CACNA1D: variants seen among roughly 807,000 people sequenced by gnomAD.
CACNA1D encodes the protein calcium voltage-gated channel subunit alpha1 D, also known as voltage-dependent L-type calcium channel subunit alpha-1D.
A neutral mutation model predicts 257.1 loss-of-function variants in CACNA1D; 55 were observed. The observed-to-expected ratio is 0.21, with a 90% confidence interval of 0.17 to 0.27. CACNA1D has a LOEUF of 0.27. Ranked by LOEUF, CACNA1D falls within the 10% of genes least tolerant of loss-of-function variation. The pLI, the probability that CACNA1D is intolerant of heterozygous loss-of-function variation, is 1.00. For synonymous variants in CACNA1D, 980 were observed against 1,014.9 expected (o/e 0.97, Z 0.65); for missense variants, 1,876 against 2,784.0 (o/e 0.67, Z 7.34).
intron 3 of CACNA1D, among the ~76,000 whole-genome samples, chr3:53,634,613 G>A (rs934119591): frequency 1.3e-5 from 2 of 152,158 alleles, no homozygotes; most frequent in Non-Finnish European, 2.9e-5. Flanking sequence ...TCCAGCCTTT[G>A]GTTTTTAAGA....
chr3:53,732,584 C>T (rs1256800226), intron 18 of CACNA1D, among the ~76,000 whole-genome samples: 1 of 152,150 alleles, frequency 6.6e-6, no homozygotes, highest in African/African-American at 2.4e-5. Flanking sequence ...TGGTGGGAAT[C>T]TCATCATTCC....
chr3:53,627,688 T>A (rs2093775715), intron 3 of CACNA1D, among the ~76,000 whole-genome samples: 1 of 151,616 alleles, frequency 6.6e-6, no homozygotes, highest in Non-Finnish European at 1.5e-5. Context: ...GCTGGGGAGA[T>A]GTCTAGTTCC....
At chr3:53,752,189 C>T (rs1375830619) in intron 28 of CACNA1D, among the ~76,000 whole-genome samples, 2 of 152,148 alleles carry the variant, frequency 1.3e-5, no homozygotes, top group Admixed American at 6.5e-5. Context: ...CCATGGGCCT[C>T]CTGTGGCCAG....
At chr3:53,655,617 T>C (rs1300344452) in intron 4 of CACNA1D, among the ~76,000 whole-genome samples, 2 of 152,226 alleles carry the variant, frequency 1.3e-5, no homozygotes, top group Non-Finnish European at 2.9e-5. Context: ...GTCTTTTGAA[T>C]AGTATCTCTT....
chr3:53,659,870 A>C (rs1257191989), intron 4 of CACNA1D, among the ~76,000 whole-genome samples: 1 of 152,212 alleles, frequency 6.6e-6, no homozygotes, highest in Non-Finnish European at 1.5e-5. Flanking sequence ...GTTCCCAGGG[A>C]GTCCCCTCTT....
intron 3 of CACNA1D, among the ~76,000 whole-genome samples, chr3:53,597,061 A>G (rs1489205538): frequency 5.9e-5 from 9 of 152,228 alleles, no homozygotes; most frequent in Non-Finnish European, 8.8e-5. Flanking sequence ...GAAATATACA[A>G]TTATTTAATG....
At chr3:53,619,628 A>T (rs2108024271) in intron 3 of CACNA1D, among the ~76,000 whole-genome samples, 1 of 152,232 alleles carries the variant, frequency 6.6e-6, no homozygotes, top group South Asian at 2.1e-4. Flanking sequence ...TTTCCCTAAC[A>T]TGTCTGACCT....
chr3:53,631,994 A>C (rs55676158), intron 3 of CACNA1D, among the ~76,000 whole-genome samples: 2,673 of 152,332 alleles, frequency 0.018, 34 homozygotes, highest in Non-Finnish European at 0.026. Context: ...TGGGATTTTC[A>C]GAATGATAAA....
At chr3:53,747,565 T>G in intron 26 of CACNA1D, 117 bp downstream of exon 26, 1 of 1,076,546 alleles carries the variant, frequency 9.3e-7, no homozygotes, top group Non-Finnish European at 1.4e-6. Flanking sequence ...GCCCTGTGGC[T>G]TTTTAACCTT....
At position 53,552,240 on chromosome 3, in the gene CACNA1D, G is replaced by A. The variant is rs572498897; in HGVS notation, c.483+50520G>A. ...GTTTTCTCCAACTTGGAGCTTGGGT[G>A]AGAATGCTCAGGGCTTGGTTGACAC... On this transcript the variant is annotated intron_variant, in intron 3 of 47. Transcript: ENST00000350061. Among the ~76,000 whole-genome samples the A allele has an allele frequency of 7.9e-5, 12 of 152,296 alleles. No homozygotes were observed. The South Asian group carries it at 2.5e-3, about 32-fold the overall frequency.
chr3:53,757,731 A>G (rs1261416857), intron 29 of CACNA1D, among the ~76,000 whole-genome samples: 1 of 151,826 alleles, frequency 6.6e-6, no homozygotes, highest in Non-Finnish European at 1.5e-5. Flanking sequence ...CCCCATCCCC[A>G]GGTGTTGGCA....
Position 53,811,365 on chromosome 3 carries a change from G to C in CACNA1D, c.6445G>C (p.Glu2149Gln). ...DEEPDPGRDE[E>Q]DLADEMICIT... ...AGAGCCAGACCCTGGGAGGGATGAGGAGGACCTGGCGGATGAAATGATATG... is the reference window on the plus strand; with the variant it reads ...AGAGCCAGACCCTGGGAGGGATGAGCAGGACCTGGCGGATGAAATGATATG... The change falls in exon 48 of 48, where the codon GAG (glutamate) becomes CAG (glutamine). Residue 2149 changes from glutamate (E) to glutamine (Q), a missense_variant. Transcript: ENST00000350061. This position sits in a 1 kb window ranked among gnomAD's most constrained non-coding sequence, Gnocchi z 4.2. 6.3e-7 allele frequency: 1 copy of C among 1,590,760 alleles called. No homozygotes were observed. Among genetic ancestry groups the C allele is most frequent in the Non-Finnish European group, 8.6e-7 (1 of 1,165,376 alleles).
intron 3 of CACNA1D, among the ~76,000 whole-genome samples, chr3:53,544,200 C>T (rs567551487): frequency 1.3e-5 from 2 of 152,118 alleles, no homozygotes; most frequent in African/African-American, 4.8e-5. Context: ...TCATCTTGTC[C>T]CAAAGTGTCC....
chr3:53,691,863 TTATA>T (rs1157247515), intron 8 of CACNA1D, among the ~76,000 whole-genome samples: 1 of 109,174 alleles, frequency 9.2e-6, no homozygotes, highest in East Asian at 2.4e-4. Context: ...ATAATATATA[TTATA>T]TATATTACAT....
chr3:53,562,776 A>T (rs1298450075), intron 3 of CACNA1D, among the ~76,000 whole-genome samples: 1 of 152,220 alleles, frequency 6.6e-6, no homozygotes, highest in East Asian at 1.9e-4. Flanking sequence ...GTATTCATTC[A>T]TTTTGAATTC....
rs545269430 is a variant in CACNA1D, at chr3:53,751,776, G to T, written c.3544G>T (p.Ala1182Ser). Residue 1182 changes from alanine (A) to serine (S), a missense_variant, in exon 28 of 48, where the codon GCA becomes TCA. Ala to Ser is a moderately conservative substitution (Grantham distance 99). This residue lies in a region of CACNA1D where 204 missense variants were observed against 309.4 expected (regional missense o/e 0.66). Transcript: ENST00000350061. The surrounding 1 kb of genome is among the most constrained non-coding windows in gnomAD (Gnocchi z 4.3). ...TCAGTGTGTTGAATACGCCTTGAAA[G>T]CACGTCCCTTGCGGAGATACATCCC... ...QRQCVEYALK[A>S]RPLRRYIPKN... is the part of the protein sequence containing the mutation. 1.2e-6 allele frequency: 2 copies of T among 1,614,190 alleles called. No homozygotes were observed. Among genetic ancestry groups the T allele is most frequent in the South Asian group, 2.2e-5 (2 of 91,080 alleles).
Position 53,800,502 on chromosome 3 carries a change from C to T in CACNA1D, c.5040+137C>T, listed in dbSNP as rs2095530853. 1 of 759,622 alleles carries T rather than the reference C, an allele frequency of 1.3e-6. No individual in the cohort carries two copies. The highest frequency in any genetic ancestry group is 1.4e-5 in the South Asian group (1 of 72,160). 47.1% of individuals were successfully genotyped at this position (759,622 alleles called of 1,614,324 possible). On this transcript the variant is annotated intron_variant, in intron 41 of 47. Coordinates refer to ENST00000350061, the MANE Select transcript of CACNA1D (RefSeq NM_001128840.3). The surrounding 1 kb of genome is among the most constrained non-coding windows in gnomAD (Gnocchi z 4.3). ...AGGGCCTAGAGGGGCTTTCAGACCA[C>T]ACCCTCCCCCTCTTACAGACCCTCC...
At chr3:53,601,350 T>A (rs1037976983) in intron 3 of CACNA1D, among the ~76,000 whole-genome samples, 6 of 152,160 alleles carry the variant, frequency 3.9e-5, no homozygotes, top group African/African-American at 1.4e-4. Context: ...CACACTCCTC[T>A]CTGAGAACCA....
intron 14 of CACNA1D, among the ~76,000 whole-genome samples, chr3:53,726,405 A>T (rs2094935005): frequency 1.3e-5 from 2 of 151,866 alleles, no homozygotes; most frequent in South Asian, 4.2e-4. Flanking sequence ...TGGGAGGCTG[A>T]AGTGGGCGGA....
Sources: allele counts gnomAD v4.1 joint callset (sites outside exome capture counted in the v4.1 genomes callset), GRCh38; gene constraint gnomAD v4.1.1; regional missense constraint gnomAD v4.1.1; non-coding constraint Gnocchi (gnomAD v3.1); transcripts MANE v1.5; gene names NCBI Gene and HGNC (gene_info 2026-07-23, HGNC 2026-07-21).